The following UNC5D variants were observed in gnomAD, a reference collection of about 807,000 sequenced individuals.
The protein encoded by UNC5D is unc-5 netrin receptor D.
A neutral mutation model predicts 105.4 loss-of-function variants in UNC5D; 39 were observed. The observed-to-expected ratio is 0.37, with a 90% CI of 0.29 to 0.48. The LOEUF (loss-of-function observed/expected upper bound fraction) is 0.48, where lower values mean the gene tolerates loss of function less well. Ranked by LOEUF, UNC5D falls within the 20% of genes least tolerant of loss-of-function variation. The pLI is 0.98. For missense variants in UNC5D, 991 were observed against 1,202.4 expected (o/e 0.82, Z 2.60); for synonymous variants, 452 against 450.4 (o/e 1.00, Z -0.04).
At chr8:35,380,778 C>T (rs1021803829) in intron 1 of UNC5D, among the ~76,000 whole-genome samples, 12 of 152,070 alleles carry the variant, frequency 7.9e-5, no homozygotes, top group East Asian at 1.9e-4. Context: ...GTATATATTG[C>T]GCAGAAACTG....
intron 1 of UNC5D, among the ~76,000 whole-genome samples, chr8:35,245,381 A>C (rs1379911158): frequency 6.6e-6 from 1 of 152,146 alleles, no homozygotes; most frequent in African/African-American, 2.4e-5. Context: ...GAAAAGAAAG[A>C]ATCTATCCTT....
At chr8:35,680,508 G>A (rs528476493) in intron 4 of UNC5D, among the ~76,000 whole-genome samples, 4 of 152,090 alleles carry the variant, frequency 2.6e-5, no homozygotes, top group South Asian at 2.1e-4. Context: ...AAGTTTGAGC[G>A]TTCATATTAT....
At chr8:35,706,188 T>C (rs1827565545) in intron 8 of UNC5D, among the ~76,000 whole-genome samples, 1 of 152,208 alleles carries the variant, frequency 6.6e-6, no homozygotes, top group African/African-American at 2.4e-5. Flanking sequence ...CTTGATTCTT[T>C]CTGCCTATAA....
chr8:35,500,529 C>T (rs139414868), intron 1 of UNC5D, among the ~76,000 whole-genome samples: 35 of 152,252 alleles, frequency 2.3e-4, no homozygotes, highest in African/African-American at 8.4e-4. Context: ...ATTTATGTGA[C>T]CCAATGAATG....
In UNC5D at chr8:35,731,116, A is replaced by G. The variant is rs770766540; in HGVS notation, c.1766+20A>G. 34 of 1,611,610 alleles carry G rather than the reference A, an allele frequency of 2.1e-5. No homozygotes were observed. Among genetic ancestry groups the G allele is most frequent in the Admixed American group, 6.7e-5 (4 of 59,962 alleles). On this transcript the variant is annotated intron_variant, in intron 11 of 16. Transcript: ENST00000404895. ...ACCCAGGTGAGAGACAGAGAATAGC[A>G]TATTAAAGAAAGTGGCTCACGCCTG...
chr8:35,287,988 C>A (rs12545700), intron 1 of UNC5D, among the ~76,000 whole-genome samples: 67,827 of 151,684 alleles, frequency 0.45, 15,566 homozygotes, highest in East Asian at 0.7. Context: ...AGTGGACTAA[C>A]CTTTGCATAA....
intron 1 of UNC5D, among the ~76,000 whole-genome samples, chr8:35,392,288 C>T (rs1465053827): frequency 6.6e-6 from 1 of 152,132 alleles, no homozygotes. Flanking sequence ...CACACAGCAG[C>T]CTCAAATTCC....
intron 4 of UNC5D, among the ~76,000 whole-genome samples, chr8:35,627,438 C>T (rs1821756091): frequency 6.6e-6 from 1 of 152,216 alleles, no homozygotes; most frequent in South Asian, 2.1e-4. Flanking sequence ...CCATTCCTCT[C>T]ATAGCAGTCA....
chr8:35,490,623 C>G (rs74530902), intron 1 of UNC5D, among the ~76,000 whole-genome samples: 3,667 of 152,146 alleles, frequency 0.024, 91 homozygotes, highest in Non-Finnish European at 0.031. Flanking sequence ...CCTGAAGGAT[C>G]TTTGATGGTA....
intron 7 of UNC5D, among the ~76,000 whole-genome samples, chr8:35,687,853 C>T (rs1447015924): frequency 2.6e-5 from 4 of 152,090 alleles, no homozygotes; most frequent in African/African-American, 9.7e-5. Context: ...GATCTCTTCT[C>T]CACTCACCCA....
chr8:35,524,670 G>T (rs867262794), intron 1 of UNC5D, among the ~76,000 whole-genome samples: 10 of 138,300 alleles, frequency 7.2e-5, no homozygotes, highest in Non-Finnish European at 1.1e-4. Context: ...AAAGAAAAAA[G>T]AAAAAAAAAG....
intron 4 of UNC5D, among the ~76,000 whole-genome samples, chr8:35,665,414 C>G (rs1312972582): frequency 6.6e-6 from 1 of 152,112 alleles, no homozygotes; most frequent in Non-Finnish European, 1.5e-5. Context: ...ATGCAGGATC[C>G]AGTACAAGCT....
chr8:35,781,229 GC>G (rs1802487802), intron 16 of UNC5D, among the ~76,000 whole-genome samples: 1 of 152,166 alleles, frequency 6.6e-6, no homozygotes, highest in Non-Finnish European at 1.5e-5. Flanking sequence ...TCATGAAACT[GC>G]CCGCTAATAT....
At chr8:35,376,086 C>G (rs1402862900) in intron 1 of UNC5D, among the ~76,000 whole-genome samples, 1 of 152,112 alleles carries the variant, frequency 6.6e-6, no homozygotes, top group African/African-American at 2.4e-5. Context: ...CACTTTCTAT[C>G]TCAAGTAAAA....
At chr8:35,705,420 G>A (rs993660549) in intron 7 of UNC5D, among the ~76,000 whole-genome samples, 7 of 152,174 alleles carry the variant, frequency 4.6e-5, no homozygotes, top group Non-Finnish European at 8.8e-5. Context: ...CAAAACTAAC[G>A]TGTTCACCGT....
chr8:35,753,372 C>T (rs549194461), intron 13 of UNC5D, among the ~76,000 whole-genome samples: 1 of 152,110 alleles, frequency 6.6e-6, no homozygotes, highest in Non-Finnish European at 1.5e-5. Flanking sequence ...GGGTTCACGC[C>T]ATTTTCCTGC....
rs78916233 is a variant in UNC5D at position 35,615,945 on chromosome 8, C to T, written c.570+20288C>T. On this transcript the variant is annotated intron_variant, in intron 4 of 16. Transcript: ENST00000404895. ...AGATTCTCATATACATGGACTCATC[C>T]GATCCTTAAAGCTACCATTTGTTGA... Among the ~76,000 whole-genome samples, 1,303 of 152,268 alleles carry T rather than the reference C, an allele frequency of 8.6e-3. 24 individuals carry two copies. The highest frequency in any genetic ancestry group is 0.043 in the East Asian group (223 of 5,186).
intron 4 of UNC5D, among the ~76,000 whole-genome samples, chr8:35,682,243 G>A (rs1364097898): frequency 7.9e-5 from 12 of 152,206 alleles, no homozygotes; most frequent in Admixed American, 2.6e-4. Context: ...GATTACAGGC[G>A]TGAGCCACAG....
In UNC5D at chr8:35,564,475, C is replaced by T. The variant is rs887472335; in HGVS notation, c.323-3623C>T. 2.6e-5 allele frequency among the ~76,000 whole-genome samples: 4 copies of T among 152,108 alleles called. 1 individual carries two copies. The highest frequency in any genetic ancestry group is 9.7e-5 in the African/African-American group (4 of 41,406). ...TTACTCTTTAAAGGAGCTCATCGACCGTTTGCCCAGAGAGGAAAACATAAA... is the reference window on the plus strand; with the variant it reads ...TTACTCTTTAAAGGAGCTCATCGACTGTTTGCCCAGAGAGGAAAACATAAA... On this transcript the variant is annotated intron_variant, in intron 2 of 16. Transcript: ENST00000404895.
Sources: gnomAD v4.1 joint callset for allele counts (sites outside exome capture counted in the v4.1 genomes callset) on GRCh38, gnomAD v4.1.1 for gene constraint, MANE v1.5 for transcripts, NCBI Gene and HGNC (gene_info 2026-07-23, HGNC 2026-07-21) for gene names.